The following DYNC1I1 variants were observed in gnomAD, a reference collection of about 807,000 sequenced individuals.
DYNC1I1 encodes the protein cytoplasmic dynein 1 intermediate chain 1.
A neutral mutation model predicts 86.6 loss-of-function variants in DYNC1I1; 43 were observed. The observed-to-expected ratio is 0.50, with a 90% CI of 0.39 to 0.64. The LOEUF is 0.64. Ranked by LOEUF, DYNC1I1 falls within the 30% of genes least tolerant of loss-of-function variation. DYNC1I1 has a pLI of 0.00. For missense variants in DYNC1I1, 604 were observed against 788.8 expected, an observed-to-expected ratio of 0.77 and a Z score of 2.81; for synonymous variants, 262 against 283.7, an observed-to-expected ratio of 0.92 and a Z score of 0.77.
chr7:95,952,461 G>A (rs896540788), intron 6 of DYNC1I1, among the ~76,000 whole-genome samples: 4 of 152,072 alleles, frequency 2.6e-5, no homozygotes, highest in African/African-American at 9.7e-5. Flanking sequence ...AGACTAAGAC[G>A]TAGATTTAAG....
At chr7:95,928,683 C>T (rs538385261) in intron 6 of DYNC1I1, among the ~76,000 whole-genome samples, 13 of 152,140 alleles carry the variant, frequency 8.5e-5, no homozygotes, top group Admixed American at 2.0e-4. Context: ...TTGCCTTTTA[C>T]CTGAGAGCTG....
chr7:95,962,126 C>CCAGAGCAT (rs1357221938), intron 6 of DYNC1I1, among the ~76,000 whole-genome samples: 3 of 152,152 alleles, frequency 2.0e-5, no homozygotes. Context: ...TGATGGGAGA[C>CCAGAGCAT]CAGAGCATCT....
At chr7:95,841,161 C>T (rs923456931) in intron 5 of DYNC1I1, among the ~76,000 whole-genome samples, 5 of 152,252 alleles carry the variant, frequency 3.3e-5, no homozygotes, top group Non-Finnish European at 4.4e-5. Flanking sequence ...CCTCTGGTAG[C>T]GACTAGAAAA....
At chr7:95,996,398 C>T (rs1405494347) in intron 10 of DYNC1I1, among the ~76,000 whole-genome samples, 1 of 152,186 alleles carries the variant, frequency 6.6e-6, no homozygotes, top group Non-Finnish European at 1.5e-5. Flanking sequence ...TATGCTTGCC[C>T]ACCCACGTGG....
intron 6 of DYNC1I1, among the ~76,000 whole-genome samples, chr7:95,944,372 C>G (rs1792332548): frequency 6.6e-6 from 1 of 152,182 alleles, no homozygotes; most frequent in South Asian, 2.1e-4. Context: ...AGTCAGGAAA[C>G]AACAGGTGCT....
intron 9 of DYNC1I1, among the ~76,000 whole-genome samples, chr7:95,995,488 A>G (rs1172738716): frequency 1.3e-5 from 2 of 152,158 alleles, no homozygotes; most frequent in East Asian, 1.9e-4. Context: ...AATTAAGCCT[A>G]GAGATATAGA....
At chr7:95,836,714 C>G (rs1789103311) in intron 5 of DYNC1I1, among the ~76,000 whole-genome samples, 2 of 152,078 alleles carry the variant, frequency 1.3e-5, no homozygotes, top group Admixed American at 1.3e-4. Context: ...TCATTTCATT[C>G]ATTTCATCTT....
intron 7 of DYNC1I1, among the ~76,000 whole-genome samples, chr7:95,979,504 C>A (rs879354400): frequency 2.0e-5 from 3 of 152,128 alleles, no homozygotes; most frequent in Non-Finnish European, 4.4e-5. Context: ...GGATGGATGC[C>A]CTTGGGGGCC....
At chr7:95,814,286 C>T (rs1794900302) in intron 4 of DYNC1I1, among the ~76,000 whole-genome samples, 1 of 152,046 alleles carries the variant, frequency 6.6e-6, no homozygotes, top group Non-Finnish European at 1.5e-5. Flanking sequence ...ACTTTTGTTC[C>T]AAGTAGTTAT....
intron 6 of DYNC1I1, among the ~76,000 whole-genome samples, chr7:95,929,626 C>T (rs1467607184): frequency 6.6e-6 from 1 of 152,100 alleles, no homozygotes; most frequent in African/African-American, 2.4e-5. Flanking sequence ...TACCATGAAA[C>T]CAGTCTTCAG....
At chr7:95,919,042 A>G (rs1287393921) in intron 6 of DYNC1I1, among the ~76,000 whole-genome samples, 1 of 152,214 alleles carries the variant, frequency 6.6e-6, no homozygotes, top group Non-Finnish European at 1.5e-5. Context: ...TGTACAGAGT[A>G]GGCAACTCAG....
intron 6 of DYNC1I1, among the ~76,000 whole-genome samples, chr7:95,905,828 A>G (rs895193704): frequency 6.6e-6 from 1 of 152,128 alleles, no homozygotes; most frequent in Admixed American, 6.6e-5. Context: ...GATCAGCCCA[A>G]TATAAAAGTA....
intron 10 of DYNC1I1, among the ~76,000 whole-genome samples, chr7:96,002,479 G>T (rs1448861741): frequency 6.6e-6 from 1 of 152,178 alleles, no homozygotes. Flanking sequence ...TAGAATCTCT[G>T]TGACCTTGAG....
At chr7:96,019,558 G>A (rs914724186) in intron 10 of DYNC1I1, among the ~76,000 whole-genome samples, 3 of 152,070 alleles carry the variant, frequency 2.0e-5, no homozygotes, top group Admixed American at 6.6e-5. Flanking sequence ...AGGTACAGGC[G>A]AATTTGGAGT....
At chr7:95,872,014 C>T (rs1476392078) in intron 6 of DYNC1I1, among the ~76,000 whole-genome samples, 1 of 152,204 alleles carries the variant, frequency 6.6e-6, no homozygotes, top group Non-Finnish European at 1.5e-5. Context: ...CTGCCCCTCA[C>T]CACAGGCGAT....
intron 4 of DYNC1I1, chr7:95,818,475 T>A (rs763020560): frequency 0.29 from 56,133 of 190,948 alleles, 1,707 homozygotes; most frequent in East Asian, 0.31. Context: ...CTGATTTAAT[T>A]TTTTTTTTTT....
intron 5 of DYNC1I1, among the ~76,000 whole-genome samples, chr7:95,847,315 A>T (rs1419701128): frequency 6.6e-6 from 1 of 152,120 alleles, no homozygotes; most frequent in African/African-American, 2.4e-5. Flanking sequence ...CATCAATCAC[A>T]GATCTTTTCT....
At chr7:95,876,221 A>G (rs889431208) in intron 6 of DYNC1I1, among the ~76,000 whole-genome samples, 1 of 152,150 alleles carries the variant, frequency 6.6e-6, no homozygotes. Context: ...GAAAATCCAG[A>G]TATATCTGAA....
intron 5 of DYNC1I1, among the ~76,000 whole-genome samples, chr7:95,843,021 G>C (rs1314898290): frequency 6.6e-6 from 1 of 152,144 alleles, no homozygotes; most frequent in East Asian, 1.9e-4. Flanking sequence ...AGTTGGGACA[G>C]GAGCAGTGCT....
Sources: allele counts gnomAD v4.1 joint callset (sites outside exome capture counted in the v4.1 genomes callset), GRCh38; gene constraint gnomAD v4.1.1; transcripts MANE v1.5; gene names NCBI Gene and HGNC (gene_info 2026-07-23, HGNC 2026-07-21).